The following NUP54 variants were observed in gnomAD, a reference collection of about 807,000 sequenced individuals.
The protein encoded by NUP54 is nucleoporin p54.
In NUP54, 27 loss-of-function variants were observed where a neutral mutation model predicts 66.4. The observed-to-expected ratio is 0.41, with a 90% CI of 0.30 to 0.56. The LOEUF is 0.56. Ranked by LOEUF, NUP54 falls within the 20% of genes least tolerant of loss-of-function variation. NUP54 has a pLI of 0.34. For missense variants in NUP54, 486 were observed against 596.3 expected, an observed-to-expected ratio of 0.82 and a Z score of 1.93; for synonymous variants, 206 against 210.7, an observed-to-expected ratio of 0.98 and a Z score of 0.19.
chr4:76,138,774 T>C (rs1325942559), intron 3 of NUP54, among the ~76,000 whole-genome samples: 4 of 152,090 alleles, frequency 2.6e-5, no homozygotes, highest in Non-Finnish European at 4.4e-5. Flanking sequence ...GTGTAACATC[T>C]CTGTAGAGAC....
intron 4 of NUP54, among the ~76,000 whole-genome samples, chr4:76,135,345 G>A (rs62300610): frequency 0.13 from 20,029 of 152,060 alleles, 1,546 homozygotes; most frequent in East Asian, 0.35. Context: ...TAACTCAAGT[G>A]TACATTATGC....
chr4:76,147,681 G>A (rs1225533916), intron 1 of NUP54: 10 of 1,258,836 alleles, frequency 7.9e-6, no homozygotes, highest in Non-Finnish European at 1.0e-5. Context: ...TTTAAAAAGG[G>A]GGAGAGGGAA....
Position 76,145,190 on chromosome 4 carries a change from C to T in NUP54, c.68-717G>A, listed in dbSNP as rs563476634. On this transcript the variant is annotated intron_variant, in intron 1 of 11. Coordinates refer to ENST00000264883, the MANE Select transcript of NUP54 (RefSeq NM_017426.4). Reference sequence around the variant, plus strand: ...AAAATTAGCCGGGCGTGGCGGCGGGCGCCTGTAGTCCCAGCTACTCAGGAG... The same window carrying T: ...AAAATTAGCCGGGCGTGGCGGCGGGTGCCTGTAGTCCCAGCTACTCAGGAG... Among the ~76,000 whole-genome samples, 1,238 of 151,632 alleles carry T rather than the reference C, an allele frequency of 8.2e-3. 18 individuals carry two copies. The highest frequency in any genetic ancestry group is 0.028 in the African/African-American group (1,152 of 41,342).
chr4:76,146,091 A>C (rs938690599), intron 1 of NUP54: 6 of 449,822 alleles, frequency 1.3e-5, no homozygotes, highest in East Asian at 1.4e-4. Context: ...GTTTCTCATC[A>C]TGCTCCACAA....
chr4:76,127,809 T>C (rs1201421648), intron 8 of NUP54, among the ~76,000 whole-genome samples: 3 of 151,638 alleles, frequency 2.0e-5, no homozygotes, highest in Non-Finnish European at 4.4e-5. Context: ...AAAGAAAAAA[T>C]AGGAAGCCCA....
chr4:76,135,112 AAATAC>A (rs1377936327), intron 4 of NUP54, among the ~76,000 whole-genome samples: 1 of 152,192 alleles, frequency 6.6e-6, no homozygotes, highest in Non-Finnish European at 1.5e-5. Flanking sequence ...ATTTACAAAT[AAATAC>A]TTTTAAATCA....
rs144490591 is a variant in NUP54, at chr4:76,124,724, C to G, written c.1089G>C (p.Lys363Asn). 2.0e-6 allele frequency: 3 copies of G among 1,483,892 alleles called. No individual in the cohort carries two copies. Among genetic ancestry groups the G allele is most frequent in the Non-Finnish European group, 2.8e-6 (3 of 1,083,050 alleles). 91.9% of individuals were successfully genotyped at this position (1,483,892 alleles called of 1,614,324 possible). A position where few individuals can be genotyped will look rare whatever the true frequency, so the allele number is the denominator to read the frequency against. The stretch of plus-strand genomic sequence containing the variant: ...TTTTGGCTACAGATGTAGTTTGATT[C>G]TTTTGTAGCTCACTAATATCTTCAG... ...IISEDISELQ[K>N]NQTTSVAKIA... Residue 363 changes from lysine (K) to asparagine (N), a missense_variant, in exon 9 of 12, where the codon AAG becomes AAC. Physicochemically the swap from Lys to Asn is moderately conservative, Grantham distance 94. This residue lies in a region of NUP54 where 217 missense variants were observed against 247.9 expected (regional missense o/e 0.88). Coordinates refer to ENST00000264883, the MANE Select transcript of NUP54 (RefSeq NM_017426.4).
chr4:76,139,484 C>G (rs1053574641), intron 3 of NUP54, among the ~76,000 whole-genome samples: 7 of 152,020 alleles, frequency 4.6e-5, no homozygotes, highest in Non-Finnish European at 1.5e-5. Flanking sequence ...GGGCATTTAA[C>G]AAGACAACTG....
At chr4:76,122,497 A>G (rs1441669826) in intron 9 of NUP54, among the ~76,000 whole-genome samples, 1 of 152,238 alleles carries the variant, frequency 6.6e-6, no homozygotes, top group East Asian at 1.9e-4. Flanking sequence ...TGTTATATAA[A>G]TAGAATCATG....
At chr4:76,147,227 T>C (rs903752293) in intron 1 of NUP54, among the ~76,000 whole-genome samples, 3 of 152,086 alleles carry the variant, frequency 2.0e-5, no homozygotes, top group African/African-American at 4.8e-5. Context: ...TATTCAAAAT[T>C]ATAATCCAAA....
In NUP54 at chr4:76,132,645, T is replaced by C. The variant is rs1730855805; in HGVS notation, c.785A>G (p.Tyr262Cys). The change falls in exon 6 of 12, where the codon TAT becomes TGT. Residue 262 changes from tyrosine (Y) to cysteine (C), a missense_variant. This residue lies in a region of NUP54 where 217 missense variants were observed against 247.9 expected (regional missense o/e 0.88). Coordinates refer to ENST00000264883, the MANE Select transcript of NUP54 (RefSeq NM_017426.4). ...TSRRVPATTLYAHFEQANIKT... is the reference protein window; with the variant it reads ...TSRRVPATTLCAHFEQANIKT... Reference sequence around the variant, plus strand: ...TATATTGGCTTGTTCAAAATGGGCATATAGCGTTGTAGCTGGAACTCTTCT... The same window carrying C: ...TATATTGGCTTGTTCAAAATGGGCACATAGCGTTGTAGCTGGAACTCTTCT... 6.2e-7 allele frequency: 1 copy of C among 1,614,086 alleles called. No individual in the cohort carries two copies. Among genetic ancestry groups the C allele is most frequent in the Non-Finnish European group, 8.5e-7 (1 of 1,179,984 alleles).
chr4:76,134,440 T>A (rs879830043), intron 4 of NUP54, 78 bp from the exon 5 acceptor site: 1 of 1,165,346 alleles, frequency 8.6e-7, no homozygotes, highest in Non-Finnish European at 1.2e-6. Context: ...TAGCTTAATA[T>A]CTGCTAAAAT....
chr4:76,142,027 A>G (rs918118276), intron 3 of NUP54, among the ~76,000 whole-genome samples: 1 of 152,148 alleles, frequency 6.6e-6, no homozygotes, highest in African/African-American at 2.4e-5. Flanking sequence ...AACCTTGTAC[A>G]CCCAATGCCT....
At chr4:76,128,382 T>G (rs533684582) in intron 8 of NUP54, among the ~76,000 whole-genome samples, 74 of 107,224 alleles carry the variant, frequency 6.9e-4, no homozygotes, top group African/African-American at 3.0e-3. Flanking sequence ...AATAATAGAT[T>G]AAAAGGAAAT....
chr4:76,147,934 A>C (rs1560695868), intron 1 of NUP54: 4 of 305,846 alleles, frequency 1.3e-5, no homozygotes, highest in Non-Finnish European at 2.5e-5. Flanking sequence ...GGCAGCGGGA[A>C]CCACGCAAGC....
chr4:76,137,507 T>C (rs1731086663), intron 3 of NUP54, among the ~76,000 whole-genome samples: 1 of 152,218 alleles, frequency 6.6e-6, no homozygotes, highest in African/African-American at 2.4e-5. Context: ...CTAAAAATCA[T>C]TGTTATATCA....
At chr4:76,122,389 T>A (rs571392226) in intron 9 of NUP54, among the ~76,000 whole-genome samples, 12 of 152,284 alleles carry the variant, frequency 7.9e-5, no homozygotes, top group African/African-American at 2.9e-4. Flanking sequence ...ACAGAATATT[T>A]CCATCACCCC....
intron 4 of NUP54, among the ~76,000 whole-genome samples, chr4:76,134,647 T>C (rs1008912637): frequency 6.6e-6 from 1 of 152,188 alleles, no homozygotes; most frequent in African/African-American, 2.4e-5. Context: ...ATATTCATTA[T>C]TGTTGGTTGT....
chr4:76,117,567 TCTCA>T lies in NUP54; in HGVS notation c.1395+93_1395+96del, dbSNP rs538867003. On this transcript the variant is annotated intron_variant, in intron 11 of 11. Transcript: ENST00000264883. ...CAAGAAAGTTCCAATTTCTCCACATTCTCACTAACACTTTTCTTATTAGGATAAT... is the reference window on the plus strand; with the variant it reads ...CAAGAAAGTTCCAATTTCTCCACATTCTAACACTTTTCTTATTAGGATAAT... 2.5e-3 allele frequency: 1,847 copies of T among 739,742 alleles called. 5 individuals are homozygous for T. Among genetic ancestry groups the T allele is most frequent in the Non-Finnish European group, 3.7e-3 (1,617 of 436,170 alleles). The allele number at this position is 739,742 out of a possible 1,614,324, so 45.8% of individuals were successfully genotyped here. A position where few individuals can be genotyped will look rare whatever the true frequency, so the allele number is the denominator to read the frequency against.
Sources: gnomAD v4.1 joint callset for allele counts (sites outside exome capture counted in the v4.1 genomes callset) on GRCh38, gnomAD v4.1.1 for gene constraint, gnomAD v4.1.1 regional missense constraint, MANE v1.5 for transcripts, NCBI Gene and HGNC (gene_info 2026-07-23, HGNC 2026-07-21) for gene names.